The following KLK9 variants were observed in gnomAD, a reference collection of about 807,000 sequenced individuals.
KLK9 encodes kallikrein-9.
KLK9 carries 26 observed loss-of-function variants against 23.3 expected under a neutral mutation model. That is an observed-to-expected ratio of 1.12 (90% CI 0.82 to 1.55). KLK9 has a LOEUF of 1.55. Ranked by LOEUF, KLK9 falls within the 40% of genes most tolerant of loss-of-function variation. The pLI, the probability that KLK9 is intolerant of heterozygous loss-of-function variation, is 0.00. For synonymous variants in KLK9, 122 were observed against 128.5 expected, an observed-to-expected ratio of 0.95 and a Z score of 0.34; for missense variants, 346 against 333.7, an observed-to-expected ratio of 1.04 and a Z score of -0.29.
In KLK9 at chr19:51,009,131, C is replaced by T; in HGVS notation, c.200+52G>A. 3 of 1,564,364 alleles carry T rather than the reference C, an allele frequency of 1.9e-6. No homozygotes were observed. Among genetic ancestry groups the T allele is most frequent in the South Asian group, 1.2e-5 (1 of 85,388 alleles). On this transcript the variant is annotated intron_variant, in intron 2 of 4. Coordinates refer to ENST00000594211, the MANE Select transcript of KLK9 (RefSeq NM_012315.2). The surrounding 1 kb of genome is among the most constrained non-coding windows in gnomAD (Gnocchi z 4.8). ...TGGCCTAAAGCACCCCTCACCCTCT[C>T]CTGACCCCCAGCCTCTGTCCCTCCC...
chr19:51,004,338 C>CAAAAAAAAAAAAAAAAAAAAAA (rs71333922), intron 3 of KLK9, among the ~76,000 whole-genome samples: 2 of 32,558 alleles, frequency 6.1e-5, no homozygotes, highest in Non-Finnish European at 5.6e-5. Context: ...GACTCCGTCT[C>CAAAAAAAAAAAAAAAAAAAAAA]AAAAAAAAAA....
Position 51,002,858 on chromosome 19 carries a change from T to G in KLK9, c.*253A>C. 2.4e-6 allele frequency: 1 copy of G among 420,392 alleles called. No homozygotes were observed. Among genetic ancestry groups the G allele is most frequent in the Non-Finnish European group, 4.2e-6 (1 of 237,240 alleles). The allele number at this position is 420,392 out of a possible 1,614,324, so 26.0% of individuals were successfully genotyped here. ...CTGTGCTGTTCCAAGAAGGAGGTGA[T>G]GGCTGTCGGTGACGTCATAGAGACG... On this transcript the variant is annotated 3_prime_UTR_variant, in exon 5 of 5. Coordinates refer to ENST00000594211, the MANE Select transcript of KLK9 (RefSeq NM_012315.2).
intron 4 of KLK9, among the ~76,000 whole-genome samples, chr19:51,003,493 ACTC>A (rs1179198359): frequency 6.6e-6 from 1 of 151,408 alleles, no homozygotes; most frequent in Non-Finnish European, 1.5e-5. Context: ...CGCCCAGCCC[ACTC>A]CTCCTGTAGA....
At chr19:51,004,964 G>A (rs1013546912) in intron 3 of KLK9, among the ~76,000 whole-genome samples, 6 of 152,248 alleles carry the variant, frequency 3.9e-5, no homozygotes, top group Admixed American at 3.3e-4. Context: ...AGTCGGGGAC[G>A]GGGGCTGTGC....
intron 2 of KLK9, among the ~76,000 whole-genome samples, chr19:51,008,977 C>G (rs1003473469): frequency 1.3e-5 from 2 of 152,180 alleles, no homozygotes; most frequent in South Asian, 2.1e-4. Context: ...ATTCGAAGAG[C>G]CTAAGTTTCG....
chr19:51,005,095 C>T (rs1487683213), intron 3 of KLK9, among the ~76,000 whole-genome samples: 1 of 152,162 alleles, frequency 6.6e-6, no homozygotes, highest in Non-Finnish European at 1.5e-5. Context: ...GTTCTTCAAA[C>T]TTTTTCAGGT....
Position 51,009,068 on chromosome 19 carries a change from T to C in KLK9, c.200+115A>G. ...AGGCTACCCTTCCTACTTCTAAGAG[T>C]TGAACTTGTGGTATCAGAAGTGGAG... On this transcript the variant is annotated intron_variant, in intron 2 of 4. Transcript: ENST00000594211. The surrounding 1 kb of genome is among the most constrained non-coding windows in gnomAD (Gnocchi z 4.8). 2 of 1,185,250 alleles carry C rather than the reference T, an allele frequency of 1.7e-6. No individual in the cohort carries two copies. Among genetic ancestry groups the C allele is most frequent in the Non-Finnish European group, 2.3e-6 (2 of 869,234 alleles). The allele number at this position is 1,185,250 out of a possible 1,614,324, so 73.4% of individuals were successfully genotyped here.
chr19:51,008,965 G>A (rs570225683), intron 2 of KLK9, among the ~76,000 whole-genome samples: 58 of 152,230 alleles, frequency 3.8e-4, no homozygotes, highest in East Asian at 2.7e-3. Flanking sequence ...GGTCAGTCTC[G>A]GATTCGAAGA....
rs1012180946 is a variant in KLK9, at chr19:51,009,312, A to G, written c.71T>C (p.Ile24Thr). ...AGHGWADTRA[I>T]GAEECRPNSQ... ...GTTGGGGCGACATTCCTCGGCCCCG[A>G]TGGCACGGGTGTCTGCCCAGCCATG... The change falls in exon 2 of 5, where the codon ATC (isoleucine) becomes ACC (threonine). Residue 24 changes from isoleucine (I) to threonine (T), a missense_variant. Physicochemically the swap from Ile to Thr is moderately conservative, Grantham distance 89. Transcript: ENST00000594211. This position sits in a 1 kb window ranked among gnomAD's most constrained non-coding sequence, Gnocchi z 4.8. The G allele has an allele frequency of 2.5e-6, 4 of 1,593,414 alleles. 1 individual carries two copies. In the Admixed American group the frequency reaches 7.0e-5, roughly 28 times the overall value.
chr19:51,004,987 G>A (rs951195074), intron 3 of KLK9, among the ~76,000 whole-genome samples: 1 of 152,192 alleles, frequency 6.6e-6, no homozygotes, highest in African/African-American at 2.4e-5. Flanking sequence ...GGAGACAGGA[G>A]CCATTTGGGT....
chr19:51,003,675 G>A, intron 4 of KLK9, 29 bp downstream of exon 4: 1 of 1,592,226 alleles, frequency 6.3e-7, no homozygotes, highest in Non-Finnish European at 8.6e-7. Context: ...TGGCAGGACA[G>A]CCTCATTTTC....
rs777141269 is a variant in KLK9, at chr19:51,006,722, A to T, written c.202T>A (p.Tyr68Asn). 1.3e-6 allele frequency: 2 copies of T among 1,573,102 alleles called. No homozygotes were observed. The highest frequency in any genetic ancestry group is 3.6e-5 in the Admixed American group (2 of 56,226). Residue 68 changes from tyrosine (Y) to asparagine (N), a missense_variant and splice_region_variant, in exon 3 of 5, where the codon TAT becomes AAT. By Grantham distance (143) the Tyr-to-Asn change is moderately radical. Transcript: ENST00000594211. The surrounding 1 kb of genome is among the most constrained non-coding windows in gnomAD (Gnocchi z 4.1). ...TGCTCTCCAAGGCGGACCCACAGAT[A>T]CCTGCTGGGACAGGCCTCAGAGGTC... ...LLTAAHCRKPYLWVRLGEHHL... is the reference protein window; with the variant it reads ...LLTAAHCRKPNLWVRLGEHHL...
intron 2 of KLK9, among the ~76,000 whole-genome samples, chr19:51,007,607 G>T (rs1445074725): frequency 6.6e-6 from 1 of 151,648 alleles, no homozygotes; most frequent in Non-Finnish European, 1.5e-5. Context: ...TTCACTTTCG[G>T]CTGAAATCTG....
At chr19:51,003,982 T>TGACA (rs1245201828) in intron 3 of KLK9, 142 bp from the exon 4 acceptor site, 1 of 651,948 alleles carries the variant, frequency 1.5e-6, no homozygotes, top group South Asian at 1.9e-5. Context: ...CAAGAGACAG[T>TGACA]GACAGACAGA....
In KLK9 at chr19:51,002,815, T is replaced by C; in HGVS notation, c.*296A>G. ...GGAGCTATTTTGTGTAAGTGGTTCC[T>C]TGGGGCGGAGCCACAGGCTGTGCTG... On this transcript the variant is annotated 3_prime_UTR_variant, in exon 5 of 5. Transcript: ENST00000594211. 3.1e-6 allele frequency: 1 copy of C among 325,214 alleles called. No homozygotes were observed. Among genetic ancestry groups the C allele is most frequent in the Non-Finnish European group, 5.6e-6 (1 of 178,726 alleles). The allele number at this position is 325,214 out of a possible 1,614,324, so 20.1% of individuals were successfully genotyped here. A position where few individuals can be genotyped will look rare whatever the true frequency, so the allele number is the denominator to read the frequency against.
chr19:51,006,337 T>C lies in KLK9; in HGVS notation c.466+121A>G. The stretch of plus-strand genomic sequence containing the variant: ...CTTATATTTGGTTAAATATATCGAT[T>C]GGCAGATAGATAGACTGACAGAGAG... On this transcript the variant is annotated intron_variant, in intron 3 of 4. Transcript: ENST00000594211. This position sits in a 1 kb window ranked among gnomAD's most constrained non-coding sequence, Gnocchi z 4.1. The C allele has an allele frequency of 1.0e-6, 1 of 975,936 alleles. No individual in the cohort carries two copies. The highest frequency in any genetic ancestry group is 1.5e-6 in the Non-Finnish European group (1 of 680,824). The allele number at this position is 975,936 out of a possible 1,614,324, so 60.5% of individuals were successfully genotyped here. A position where few individuals can be genotyped will look rare whatever the true frequency, so the allele number is the denominator to read the frequency against.
At chr19:51,008,154 C>A (rs1338450279) in intron 2 of KLK9, among the ~76,000 whole-genome samples, 1 of 144,316 alleles carries the variant, frequency 6.9e-6, no homozygotes, top group Non-Finnish European at 1.5e-5. Context: ...TATGGTGAAA[C>A]CCCCGTCTCT....
In KLK9 at chr19:51,005,768, T is replaced by C. The variant is rs952392637; in HGVS notation, c.466+690A>G. Among the ~76,000 whole-genome samples, 7 of 151,496 alleles carry C rather than the reference T, an allele frequency of 4.6e-5. 1 individual carries two copies. Among genetic ancestry groups the C allele is most frequent in the Non-Finnish European group, 8.8e-5 (6 of 67,812 alleles). ...CATTATCTGAATTAAATCTAAGATA[T>C]GACTAGATTTAAAAAAGACTAGAAT... On this transcript the variant is annotated intron_variant, in intron 3 of 4. Transcript: ENST00000594211.
At chr19:51,007,926 C>T (rs910451132) in intron 2 of KLK9, among the ~76,000 whole-genome samples, 2 of 152,028 alleles carry the variant, frequency 1.3e-5, no homozygotes, top group African/African-American at 4.8e-5. Context: ...TTTATGAATC[C>T]AAGATTCTAA....
Sources: allele counts gnomAD v4.1 joint callset (sites outside exome capture counted in the v4.1 genomes callset), GRCh38; gene constraint gnomAD v4.1.1; non-coding constraint Gnocchi (gnomAD v3.1); transcripts MANE v1.5; gene names NCBI Gene and HGNC (gene_info 2026-07-23, HGNC 2026-07-21).